Variants in KIDINS220 observed in about 807,000 individuals in gnomAD.
The protein encoded by KIDINS220 is kinase D interacting substrate 220.
In KIDINS220, 63 loss-of-function variants were observed where a neutral mutation model predicts 157.6. The observed-to-expected ratio is 0.40, with a 90% confidence interval of 0.33 to 0.49. KIDINS220 has a LOEUF of 0.49. Among genes scored for constraint, KIDINS220 ranks in the 20% least tolerant of loss-of-function variants. KIDINS220 has a pLI of 0.66. For missense variants in KIDINS220, 1,772 were observed against 2,171.2 expected (o/e 0.82, Z 3.65); for synonymous variants, 732 against 783.6 (o/e 0.93, Z 1.10).
chr2:8,810,823 C>T, intron 6 of KIDINS220, among the ~76,000 whole-genome samples: 1 of 152,000 alleles, frequency 6.6e-6, no homozygotes, highest in East Asian at 1.9e-4. Flanking sequence ...AAAACTGTAT[C>T]CATTTTAGAC....
chr2:8,740,076 G>C (rs1052776640), intron 26 of KIDINS220: 5 of 564,290 alleles, frequency 8.9e-6, no homozygotes, highest in African/African-American at 2.0e-5. Flanking sequence ...TTTATAGACA[G>C]CCCAGCATGA....
chr2:8,804,825 A>T (rs1047897434), intron 7 of KIDINS220, among the ~76,000 whole-genome samples: 2 of 152,238 alleles, frequency 1.3e-5, no homozygotes, highest in Non-Finnish European at 2.9e-5. Flanking sequence ...TCCATCAAGC[A>T]ATCAATTCTG....
chr2:8,757,621 T>A, intron 22 of KIDINS220: 1 of 1,604,588 alleles, frequency 6.2e-7, no homozygotes, highest in South Asian at 1.1e-5. Flanking sequence ...TCGAGGCAGA[T>A]AACCCAAGTG....
At chr2:8,805,241 A>G (rs1675276640) in intron 7 of KIDINS220, among the ~76,000 whole-genome samples, 1 of 152,154 alleles carries the variant, frequency 6.6e-6, no homozygotes, top group South Asian at 2.1e-4. Context: ...CCCTGAACTC[A>G]GTCCTTTTGG....
rs771210541 is a variant in KIDINS220 at position 8,757,121 on chromosome 2, GA to G, written c.3012-5478del. ...TCCAATCTTTGCAAATTCATTTTAG[GA>G]AAAAAAAAAGAGTTAAGATATTTAC... On this transcript the variant is annotated intron_variant, in intron 22 of 29. Coordinates refer to ENST00000256707, the MANE Select transcript of KIDINS220 (RefSeq NM_020738.4). The G allele has an allele frequency of 5.4e-3, 1,691 of 315,522 alleles. 3 individuals are homozygous for G. Among genetic ancestry groups the G allele is most frequent in the African/African-American group, 0.014 (586 of 42,670 alleles). 19.5% of individuals were successfully genotyped at this position (315,522 alleles called of 1,614,324 possible).
At chr2:8,791,378 C>G (rs185690992) in intron 12 of KIDINS220, among the ~76,000 whole-genome samples, 154 bp from the exon 13 acceptor site, 43 of 152,286 alleles carry the variant, frequency 2.8e-4, no homozygotes, top group Admixed American at 2.0e-3. Flanking sequence ...TGAGCCTATT[C>G]TGACTTGGAA....
intron 26 of KIDINS220, among the ~76,000 whole-genome samples, chr2:8,745,107 T>G (rs1666359262): frequency 6.6e-6 from 1 of 152,210 alleles, no homozygotes. Flanking sequence ...TTTAATGACA[T>G]GTATTTGTCT....
chr2:8,791,816 T>G (rs1558432355), intron 12 of KIDINS220, among the ~76,000 whole-genome samples: 1 of 152,144 alleles, frequency 6.6e-6, no homozygotes, highest in Non-Finnish European at 1.5e-5. Context: ...ATTCTATCAC[T>G]TTAAGGCAGT....
intron 22 of KIDINS220, among the ~76,000 whole-genome samples, chr2:8,752,559 G>A (rs1343237967): frequency 1.3e-5 from 2 of 151,986 alleles, no homozygotes; most frequent in African/African-American, 4.8e-5. Flanking sequence ...GAGGACAGTG[G>A]CCTCAGACAA....
intron 15 of KIDINS220, among the ~76,000 whole-genome samples, chr2:8,787,435 C>CA (rs1417268138): frequency 4.6e-5 from 7 of 150,658 alleles, no homozygotes; most frequent in Non-Finnish European, 1.0e-4. Context: ...GTGGCGTGAT[C>CA]TTGGCTCACT....
chr2:8,799,489 C>A (rs867544093), intron 9 of KIDINS220, among the ~76,000 whole-genome samples: 1 of 152,172 alleles, frequency 6.6e-6, no homozygotes, highest in South Asian at 2.1e-4. Flanking sequence ...GTTCTACCTT[C>A]TTCCAAAAGC....
At chr2:8,813,896 C>G (rs1432673521) in intron 4 of KIDINS220, among the ~76,000 whole-genome samples, 2 of 152,044 alleles carry the variant, frequency 1.3e-5, no homozygotes, top group Non-Finnish European at 2.9e-5. Flanking sequence ...TGCACTCCAG[C>G]ACAGGCGACA....
chr2:8,730,866 T>C lies in KIDINS220; in HGVS notation c.5170A>G (p.Ile1724Val), dbSNP rs1471029075. ...RPSSSPNPTT[I>V]QNENLKSMTH... is the part of the protein sequence containing the mutation. ...ATGCTTTTTAGATTCTCATTCTGAA[T>C]AGTGGTTGGGTTGGGACTGGAACTA... is the stretch of plus-strand genomic sequence containing the variant. The change falls in exon 30 of 30, where the codon ATT becomes GTT. Residue 1724 changes from isoleucine to valine, a missense_variant. Ile to Val is a conservative substitution (Grantham distance 29, BLOSUM62 3). Transcript: ENST00000256707. 6.2e-7 allele frequency: 1 copy of C among 1,614,248 alleles called. No individual in the cohort carries two copies. The highest frequency in any genetic ancestry group is 1.7e-5 in the Admixed American group (1 of 60,028).
At chr2:8,810,068 A>G (rs1676070688) in intron 6 of KIDINS220, among the ~76,000 whole-genome samples, 1 of 151,924 alleles carries the variant, frequency 6.6e-6, no homozygotes, top group South Asian at 2.1e-4. Context: ...TTGTGCTCTC[A>G]TTTTCCCTGT....
chr2:8,837,271 C>T (rs1224881476), intron 1 of KIDINS220, among the ~76,000 whole-genome samples: 3 of 152,172 alleles, frequency 2.0e-5, no homozygotes, highest in African/African-American at 4.8e-5. Context: ...CTCCAGGAAA[C>T]GCGGACTCGC....
At chr2:8,835,656 T>C (rs1444144260) in intron 1 of KIDINS220, among the ~76,000 whole-genome samples, 2 of 100,936 alleles carry the variant, frequency 2.0e-5, no homozygotes, top group African/African-American at 8.6e-5. Flanking sequence ...CCAGACCCTG[T>C]CTCAAAAAAA....
chr2:8,789,585 C>T (rs1216203319), intron 14 of KIDINS220, among the ~76,000 whole-genome samples: 1 of 151,906 alleles, frequency 6.6e-6, no homozygotes, highest in Non-Finnish European at 1.5e-5. Flanking sequence ...CCACCGCACC[C>T]GGCCCAGAAA....
intron 26 of KIDINS220, among the ~76,000 whole-genome samples, chr2:8,744,399 A>C (rs1410887858): frequency 7.6e-5 from 2 of 26,160 alleles, no homozygotes; most frequent in Non-Finnish European, 1.2e-4. Context: ...ATATATATAT[A>C]TAATATATAT....
Position 8,821,715 on chromosome 2 carries a change from G to A in KIDINS220, c.109-2922C>T, listed in dbSNP as rs561829171. ...TAACTGATGCACCTTTTGTAGCTAC[G>A]CTATCCAAAAAGATAATGACTTTCA... is the stretch of plus-strand genomic sequence containing the variant. On this transcript the variant is annotated intron_variant, in intron 2 of 29. Coordinates refer to ENST00000256707, the MANE Select transcript of KIDINS220 (RefSeq NM_020738.4). Among the ~76,000 whole-genome samples the A allele has an allele frequency of 3.4e-4, 52 of 152,200 alleles. No homozygotes were observed. The South Asian group carries it at 3.5e-3, about 10-fold the overall frequency.
Sources: gnomAD v4.1 joint callset for allele counts (sites outside exome capture counted in the v4.1 genomes callset) on GRCh38, gnomAD v4.1.1 for gene constraint, MANE v1.5 for transcripts, NCBI Gene and HGNC (gene_info 2026-07-23, HGNC 2026-07-21) for gene names.